LHCGR: variants seen among roughly 807,000 people sequenced by gnomAD.
LHCGR encodes the protein luteinizing hormone/choriogonadotropin receptor, also known as lutropin-choriogonadotropic hormone receptor.
In LHCGR, 55 loss-of-function variants were observed where a neutral mutation model predicts 60.7. The ratio of observed to expected loss-of-function variants is 0.91; its 90% CI spans 0.73 to 1.13. The LOEUF is 1.13. Ranked by LOEUF, LHCGR falls within the 50% of genes most tolerant of loss-of-function variation. The pLI is 0.00. For missense variants in LHCGR, 862 were observed against 836.0 expected, an observed-to-expected ratio of 1.03 and a Z score of -0.38; for synonymous variants, 337 against 316.5, an observed-to-expected ratio of 1.06 and a Z score of -0.69.
At chr2:48,743,038 A>G (rs1200542151) in intron 1 of LHCGR, among the ~76,000 whole-genome samples, 1 of 152,146 alleles carries the variant, frequency 6.6e-6, no homozygotes, top group African/African-American at 2.4e-5. Flanking sequence ...AGAAATACAA[A>G]CTACCATCAG....
At chr2:48,706,949 G>T (rs1255204872) in intron 8 of LHCGR, among the ~76,000 whole-genome samples, 1 of 152,170 alleles carries the variant, frequency 6.6e-6, no homozygotes, top group Non-Finnish European at 1.5e-5. Context: ...GAGGAGTGGT[G>T]ATCCTTTGGA....
intron 6 of LHCGR, chr2:48,720,082 A>T (rs1375738017): frequency 6.6e-6 from 1 of 152,192 alleles, no homozygotes; most frequent in Admixed American, 6.5e-5. Context: ...AATCTTTATT[A>T]ACTTCAGAGT....
chr2:48,700,835 T>A (rs1387576937), intron 8 of LHCGR, among the ~76,000 whole-genome samples: 2 of 151,756 alleles, frequency 1.3e-5, no homozygotes, highest in East Asian at 3.9e-4. Flanking sequence ...AGTTATGGGG[T>A]TGAGTGGATA....
At chr2:48,737,396 A>T (rs932397217) in intron 1 of LHCGR, among the ~76,000 whole-genome samples, 3 of 152,210 alleles carry the variant, frequency 2.0e-5, no homozygotes, top group African/African-American at 7.2e-5. Flanking sequence ...TTATTTAATT[A>T]TTTAAATTCA....
At chr2:48,728,873 A>C (rs1325490633) in intron 3 of LHCGR, among the ~76,000 whole-genome samples, 1 of 152,188 alleles carries the variant, frequency 6.6e-6, no homozygotes, top group East Asian at 1.9e-4. Context: ...CTCCATAGGC[A>C]AGAGCTACTT....
intron 1 of LHCGR, among the ~76,000 whole-genome samples, chr2:48,734,443 T>C (rs558443266): frequency 4.6e-5 from 7 of 152,244 alleles, no homozygotes; most frequent in African/African-American, 1.4e-4. Context: ...CTAGTGATAA[T>C]GTTACTTGAA....
Position 48,709,004 on chromosome 2 carries a change from T to C in LHCGR, c.624A>G (p.Val208=). ...TLTSLELKEN[V]HLEKMHNGAF... ...CTCCATTGTGCATCTTCTCCAGATGTACGTTTTCCTTTAGCTCCCTGTGGG... is the reference window on the plus strand; with the variant it reads ...CTCCATTGTGCATCTTCTCCAGATGCACGTTTTCCTTTAGCTCCCTGTGGG... Residue 208 remains valine (V), a synonymous_variant, in exon 8 of 11, where the codon GTA becomes GTG. Coordinates refer to ENST00000294954, the MANE Select transcript of LHCGR (RefSeq NM_000233.4). The C allele has an allele frequency of 6.2e-7, 1 of 1,614,142 alleles. No individual in the cohort carries two copies. The highest frequency in any genetic ancestry group is 1.1e-5 in the South Asian group (1 of 91,086).
chr2:48,698,599 T>C lies in LHCGR; in HGVS notation c.866+16A>G, dbSNP rs1285475701. 1.9e-6 allele frequency: 3 copies of C among 1,608,768 alleles called. No individual in the cohort carries two copies. Among genetic ancestry groups the C allele is most frequent in the Non-Finnish European group, 1.7e-6 (2 of 1,175,496 alleles). On this transcript the variant is annotated intron_variant, in intron 9 of 10. Transcript: ENST00000294954. Reference sequence around the variant, plus strand: ...GCCACAGCTTGGGTAGGCTTTACCTTTTGGTTTCTACTTACTCTTTTGTTG... The same window carrying C: ...GCCACAGCTTGGGTAGGCTTTACCTCTTGGTTTCTACTTACTCTTTTGTTG...
intron 1 of LHCGR, among the ~76,000 whole-genome samples, chr2:48,750,233 G>A (rs905069160): frequency 5.9e-5 from 9 of 152,056 alleles, no homozygotes; most frequent in Admixed American, 5.9e-4. Flanking sequence ...TTCTTTCCTG[G>A]GGGCTGTTAC....
Position 48,729,160 on chromosome 2 carries a change from A to G in LHCGR, c.301T>C (p.Ser101Pro). ...CTGTTAGCTGATGCTTACATTTCAG[A>G]CAAATTGAGGAGGTTGTCAAAGGCA... ...ANAFDNLLNL[S>P]EILIQNTKNL... The change falls in exon 3 of 11, where the codon TCT becomes CCT. Residue 101 changes from serine to proline, a missense_variant. Ser to Pro is a moderately conservative substitution (Grantham distance 74). Coordinates refer to ENST00000294954, the MANE Select transcript of LHCGR (RefSeq NM_000233.4). The G allele has an allele frequency of 6.2e-7, 1 of 1,609,918 alleles. No individual in the cohort carries two copies. Among genetic ancestry groups the G allele is most frequent in the Non-Finnish European group, 8.5e-7 (1 of 1,176,686 alleles).
At chr2:48,691,607 A>G (rs914046045) in intron 10 of LHCGR, among the ~76,000 whole-genome samples, 7 of 152,176 alleles carry the variant, frequency 4.6e-5, no homozygotes, top group African/African-American at 1.7e-4. Context: ...GCACTTTAGG[A>G]GGCTGAGGCT....
intron 8 of LHCGR, among the ~76,000 whole-genome samples, chr2:48,706,350 G>T (rs1354637817): frequency 6.6e-6 from 1 of 152,036 alleles, no homozygotes; most frequent in Admixed American, 6.6e-5. Flanking sequence ...TTCAACCTTG[G>T]TGAATCTGAC....
intron 1 of LHCGR, among the ~76,000 whole-genome samples, chr2:48,740,535 C>G (rs1444480646): frequency 1.3e-5 from 2 of 152,184 alleles, no homozygotes; most frequent in African/African-American, 4.8e-5. Flanking sequence ...TCCCTGACCC[C>G]TGACCCCTGA....
chr2:48,699,437 T>G (rs1667298731), intron 8 of LHCGR, among the ~76,000 whole-genome samples: 1 of 152,050 alleles, frequency 6.6e-6, no homozygotes, highest in Admixed American at 6.5e-5. Context: ...TTCTCTCTAC[T>G]TAGCAGAAGT....
chr2:48,751,618 C>G (rs548224847), intron 1 of LHCGR, among the ~76,000 whole-genome samples: 2 of 152,286 alleles, frequency 1.3e-5, no homozygotes, highest in Admixed American at 1.3e-4. Flanking sequence ...CACTACGGCA[C>G]TGAACACTGT....
chr2:48,687,984 T>A lies in LHCGR; in HGVS notation c.1813A>T (p.Lys605Ter). 1 of 1,614,168 alleles carries A rather than the reference T, an allele frequency of 6.2e-7. No individual in the cohort carries two copies. The highest frequency in any genetic ancestry group is 8.5e-7 in the Non-Finnish European group (1 of 1,180,016). ...GGATAAAAAAGAACCAGTAAAACTTTAGAGTTGGTTACTGTGATAAGAGGT... is the reference window on the plus strand; with the variant it reads ...GGATAAAAAAGAACCAGTAAAACTTAAGAGTTGGTTACTGTGATAAGAGGT... ...KVPLITVTNS[K>*]VLLVLFYPIN... Residue 605 changes from lysine to a stop codon, truncating the protein, a stop_gained, in exon 11 of 11, where the codon AAA (lysine) becomes TAA (stop). Coordinates refer to ENST00000294954, the MANE Select transcript of LHCGR (RefSeq NM_000233.4). LOFTEE classifies it high-confidence loss of function.
intron 10 of LHCGR, among the ~76,000 whole-genome samples, chr2:48,693,919 A>G (rs1189625813): frequency 6.6e-6 from 1 of 152,212 alleles, no homozygotes; most frequent in Non-Finnish European, 1.5e-5. Flanking sequence ...TGAAGGTATC[A>G]GTTGTATCAG....
intron 10 of LHCGR, among the ~76,000 whole-genome samples, chr2:48,691,304 A>C (rs1666800782): frequency 6.6e-6 from 1 of 152,208 alleles, no homozygotes; most frequent in African/African-American, 2.4e-5. Context: ...GAAAGAACAC[A>C]GATTTTTAAA....
intron 8 of LHCGR, among the ~76,000 whole-genome samples, chr2:48,708,442 A>G (rs1045870790): frequency 2.0e-5 from 3 of 152,110 alleles, no homozygotes; most frequent in Non-Finnish European, 2.9e-5. Context: ...TTATTTAGAG[A>G]TAGGGTCTTT....
Sources: allele counts gnomAD v4.1 joint callset (sites outside exome capture counted in the v4.1 genomes callset), GRCh38; gene constraint gnomAD v4.1.1; transcripts MANE v1.5; gene names NCBI Gene and HGNC (gene_info 2026-07-23, HGNC 2026-07-21).